The following CACHD1 variants were observed in gnomAD, a reference collection of about 807,000 sequenced individuals.
The protein encoded by CACHD1 is cache domain containing 1, also known as VWFA and cache domain-containing protein 1.
In CACHD1, 71 loss-of-function variants were observed where a neutral mutation model predicts 138.7. The ratio of observed to expected loss-of-function variants is 0.51; its 90% CI spans 0.42 to 0.62. The LOEUF (loss-of-function observed/expected upper bound fraction) is 0.62. CACHD1 is among the 20% of genes least tolerant of loss of function. The pLI is 0.00. For synonymous variants in CACHD1, 578 were observed against 591.5 expected (o/e 0.98, Z 0.33); for missense variants, 1,389 against 1,625.3 (o/e 0.85, Z 2.50).
At chr1:64,535,506 G>A (rs988434911) in intron 1 of CACHD1, among the ~76,000 whole-genome samples, 15 of 151,888 alleles carry the variant, frequency 9.9e-5, no homozygotes, top group African/African-American at 3.4e-4. Flanking sequence ...TGTATTTTTA[G>A]TAGAGGCAGA....
chr1:64,550,612 G>A lies in CACHD1; in HGVS notation c.217G>A (p.Val73Ile), dbSNP rs766422694. Residue 73 changes from valine (V) to isoleucine (I), a missense_variant, in exon 2 of 27, where the codon GTT becomes ATT. Transcript: ENST00000651257. ...ATTGCAGCGGATATTCAACTCCTTT[G>A]TTTACACTGAGAAAATCTCAAATGG... is the stretch of plus-strand genomic sequence containing the variant. ...VTMQRIFNSF[V>I]YTEKISNGES... 17 of 1,611,932 alleles carry A rather than the reference G, an allele frequency of 1.1e-5. No individual in the cohort carries two copies. Among genetic ancestry groups the A allele is most frequent in the Non-Finnish European group, 1.0e-5 (12 of 1,178,294 alleles).
At chr1:64,589,193 G>A (rs956529703) in intron 3 of CACHD1, among the ~76,000 whole-genome samples, 1 of 152,102 alleles carries the variant, frequency 6.6e-6, no homozygotes, top group African/African-American at 2.4e-5. Context: ...TTGAGTTGGG[G>A]CATCCACTGA....
At chr1:64,527,414 G>A (rs534767660) in intron 1 of CACHD1, among the ~76,000 whole-genome samples, 7 of 152,336 alleles carry the variant, frequency 4.6e-5, no homozygotes, top group African/African-American at 1.4e-4. Flanking sequence ...CCTTAGGTGA[G>A]ACAGTAGGCG....
At chr1:64,560,497 C>T (rs146045918) in intron 2 of CACHD1, among the ~76,000 whole-genome samples, 95 of 151,918 alleles carry the variant, frequency 6.3e-4, no homozygotes, top group African/African-American at 2.0e-3. Context: ...ATTTTCAAAA[C>T]GTTGTGGTCT....
At chr1:64,668,051 G>A (rs181363697) in intron 16 of CACHD1, among the ~76,000 whole-genome samples, 6 of 151,994 alleles carry the variant, frequency 3.9e-5, no homozygotes, top group Admixed American at 2.0e-4. Flanking sequence ...GGTTCAGGCC[G>A]GGCACAGTGG....
chr1:64,663,233 T>C (rs1443499109), intron 13 of CACHD1, among the ~76,000 whole-genome samples: 2 of 147,590 alleles, frequency 1.4e-5, no homozygotes, highest in Non-Finnish European at 3.0e-5. Flanking sequence ...GTAAGCTCCC[T>C]GAAGGGAGAG....
intron 23 of CACHD1, among the ~76,000 whole-genome samples, chr1:64,679,339 C>T (rs1650092860): frequency 6.6e-6 from 1 of 152,208 alleles, no homozygotes. Context: ...TTCTGGTCTG[C>T]TCACTCTTCC....
At chr1:64,606,106 A>AACAC (rs112089755) in intron 4 of CACHD1, among the ~76,000 whole-genome samples, 1,494 of 148,932 alleles carry the variant, frequency 0.01, 12 homozygotes, top group African/African-American at 0.012. Flanking sequence ...AGGAGCTGTA[A>AACAC]ACACACACAC....
At chr1:64,567,371 G>C (rs1646890952) in intron 2 of CACHD1, among the ~76,000 whole-genome samples, 1 of 152,010 alleles carries the variant, frequency 6.6e-6, no homozygotes, top group Non-Finnish European at 1.5e-5. Context: ...TGTGTCCCTA[G>C]AATCCTAACA....
chr1:64,580,682 T>G (rs1647004910), intron 2 of CACHD1, among the ~76,000 whole-genome samples: 1 of 152,206 alleles, frequency 6.6e-6, no homozygotes. Flanking sequence ...GTTTCTCATC[T>G]GGGCCATTAG....
At position 64,593,487 on chromosome 1, in the gene CACHD1, A is replaced by G. The variant is rs185332065; in HGVS notation, c.411-9319A>G. On this transcript the variant is annotated intron_variant, in intron 3 of 26. Coordinates refer to ENST00000651257, the MANE Select transcript of CACHD1 (RefSeq NM_020925.4). Reference sequence around the variant, plus strand: ...TGCTTATAACTTTTGTTCCTTTGTTATCTCTGTGTCACAAGGTCAAATAAT... The same window carrying G: ...TGCTTATAACTTTTGTTCCTTTGTTGTCTCTGTGTCACAAGGTCAAATAAT... 1.5e-3 allele frequency among the ~76,000 whole-genome samples: 228 copies of G among 152,300 alleles called. 1 individual carries two copies. Among genetic ancestry groups the G allele is most frequent in the Admixed American group, 5.3e-3 (81 of 15,310 alleles).
chr1:64,525,993 T>A (rs1367840201), intron 1 of CACHD1, among the ~76,000 whole-genome samples: 1 of 152,240 alleles, frequency 6.6e-6, no homozygotes, highest in African/African-American at 2.4e-5. Flanking sequence ...TATTAAGTGC[T>A]ACTATTAGGG....
At chr1:64,597,427 G>C (rs72914225) in intron 3 of CACHD1, among the ~76,000 whole-genome samples, 7,198 of 151,206 alleles carry the variant, frequency 0.048, 589 homozygotes, top group African/African-American at 0.16. Context: ...ATGGGGAAGA[G>C]ATCAAAGTGG....
chr1:64,687,929 T>C (rs548912140), intron 26 of CACHD1, among the ~76,000 whole-genome samples: 1 of 152,126 alleles, frequency 6.6e-6, no homozygotes, highest in Non-Finnish European at 1.5e-5. Context: ...TTTTTTATTA[T>C]AATATGGCAA....
rs758528959 is a variant in CACHD1, at chr1:64,602,660, G to A, written c.411-146G>A. ...TTCCCCCCACCACACACAGAGTTCC[G>A]AAATTATTTTTTTGAATATTTAAAT... On this transcript the variant is annotated intron_variant, in intron 3 of 26. Coordinates refer to ENST00000651257, the MANE Select transcript of CACHD1 (RefSeq NM_020925.4). 27 of 622,792 alleles carry A rather than the reference G, an allele frequency of 4.3e-5. 1 individual carries two copies. The highest frequency in any genetic ancestry group is 2.5e-4 in the East Asian group (8 of 32,130). The allele number at this position is 622,792 out of a possible 1,614,324, so 38.6% of individuals were successfully genotyped here.
intron 20 of CACHD1, 54 bp from the exon 21 acceptor site, chr1:64,675,842 CA>C: frequency 1.7e-6 from 2 of 1,171,534 alleles, no homozygotes; most frequent in South Asian, 3.0e-5. Context: ...AGCACATGTA[CA>C]ACTTACAGTT....
At chr1:64,625,644 A>G (rs1557525545) in intron 4 of CACHD1, among the ~76,000 whole-genome samples, 1 of 152,018 alleles carries the variant, frequency 6.6e-6, no homozygotes, top group Non-Finnish European at 1.5e-5. Flanking sequence ...AAAAAAAAGA[A>G]AAAGAAATTA....
intron 1 of CACHD1, among the ~76,000 whole-genome samples, chr1:64,525,837 G>A (rs1167959322): frequency 2.0e-5 from 3 of 152,158 alleles, no homozygotes; most frequent in African/African-American, 7.2e-5. Flanking sequence ...AGAACACACT[G>A]CCTACACAAT....
In CACHD1 at chr1:64,470,916, G is replaced by T; in HGVS notation, c.172G>T (p.Glu58Ter). The T allele has an allele frequency of 1.2e-6, 2 of 1,606,938 alleles. No homozygotes were observed. Among genetic ancestry groups the T allele is most frequent in the Non-Finnish European group, 1.7e-6 (2 of 1,176,608 alleles). ...GAGCCAGATGCGGAGGCTGGCGGCC[G>T]AGGAGCTGGGGGTCGTCACCATGCA... is the stretch of plus-strand genomic sequence containing the variant. ...LASQMRRLAA[E>*]ELGVVTMQRI... Residue 58 changes from glutamate to a stop codon, truncating the protein, a stop_gained, in exon 1 of 27, where the codon GAG becomes TAG. Coordinates refer to ENST00000651257, the MANE Select transcript of CACHD1 (RefSeq NM_020925.4). LOFTEE classifies it high-confidence loss of function. This position sits in a 1 kb window ranked among gnomAD's most constrained non-coding sequence, Gnocchi z 5.2.
Sources: allele counts gnomAD v4.1 joint callset (sites outside exome capture counted in the v4.1 genomes callset), GRCh38; gene constraint gnomAD v4.1.1; non-coding constraint Gnocchi (gnomAD v3.1); transcripts MANE v1.5; gene names NCBI Gene and HGNC (gene_info 2026-07-23, HGNC 2026-07-21).